Variants in VPS13B observed in about 807,000 individuals in gnomAD.
The protein encoded by VPS13B is intermembrane lipid transfer protein VPS13B.
A neutral mutation model predicts 426.4 loss-of-function variants in VPS13B; 285 were observed. The ratio of observed to expected loss-of-function variants is 0.67; its 90% confidence interval spans 0.61 to 0.74. VPS13B has a LOEUF of 0.74. Ranked by LOEUF, VPS13B falls within the 30% of genes least tolerant of loss-of-function variation. The pLI, the probability that VPS13B is intolerant of heterozygous loss-of-function variation, is 0.00. For synonymous variants in VPS13B, 1,676 were observed against 1,676.4 expected (o/e 1.00, Z 0.01); for missense variants, 4,537 against 4,782.6 (o/e 0.95, Z 1.51).
intron 31 of VPS13B, among the ~76,000 whole-genome samples, chr8:99,559,020 C>T (rs2133770703): frequency 6.6e-6 from 1 of 152,172 alleles, no homozygotes; most frequent in South Asian, 2.1e-4. Context: ...ATTTACAGTC[C>T]CACCAACAGT....
chr8:99,169,695 T>C (rs990967681), intron 15 of VPS13B, among the ~76,000 whole-genome samples: 4 of 152,112 alleles, frequency 2.6e-5, no homozygotes, highest in African/African-American at 9.6e-5. Context: ...GTGTAGAAAA[T>C]GCAGTCAGCG....
chr8:99,189,198 C>G (rs1384019135), intron 16 of VPS13B, among the ~76,000 whole-genome samples: 1 of 152,212 alleles, frequency 6.6e-6, no homozygotes, highest in East Asian at 1.9e-4. Context: ...ATCCACCTGC[C>G]TCGGCCTCCC....
At chr8:99,191,760 G>A (rs1484180023) in intron 16 of VPS13B, among the ~76,000 whole-genome samples, 2 of 152,130 alleles carry the variant, frequency 1.3e-5, no homozygotes, top group Non-Finnish European at 2.9e-5. Context: ...GGAGAAGAGA[G>A]GGAAGCATTT....
chr8:99,312,120 C>G (rs921539562), intron 19 of VPS13B, among the ~76,000 whole-genome samples: 1 of 151,744 alleles, frequency 6.6e-6, no homozygotes, highest in Non-Finnish European at 1.5e-5. Flanking sequence ...ACTTGACTGT[C>G]CAATTTGCCA....
Position 99,875,492 on chromosome 8 carries a change from T to C in VPS13B, c.11820T>C (p.Cys3940=), listed in dbSNP as rs777244489. 2 of 1,614,222 alleles carry C rather than the reference T, an allele frequency of 1.2e-6. No individual in the cohort carries two copies. Among genetic ancestry groups the C allele is most frequent in the Non-Finnish European group, 1.7e-6 (2 of 1,180,036 alleles). ...RLVDYITKTS[C]HLAPSCSSMQ... ...TGGACTACATCACAAAGACATCTTGTCACCTGGCCCCCAGCTGTTCTTCCA... is the reference window on the plus strand; with the variant it reads ...TGGACTACATCACAAAGACATCTTGCCACCTGGCCCCCAGCTGTTCTTCCA... The change falls in exon 62 of 62, where the codon TGT becomes TGC. Residue 3940 remains cysteine (C), a synonymous_variant. Transcript: ENST00000357162.
intron 19 of VPS13B, among the ~76,000 whole-genome samples, chr8:99,371,235 A>G (rs1813163237): frequency 6.6e-6 from 1 of 152,226 alleles, no homozygotes; most frequent in Non-Finnish European, 1.5e-5. Context: ...AGATGGTTCT[A>G]TGGGAAATTT....
chr8:99,134,554 A>G, intron 8 of VPS13B, 78 bp from the exon 9 acceptor site: 1 of 1,210,590 alleles, frequency 8.3e-7, no homozygotes, highest in Non-Finnish European at 1.2e-6. Context: ...CCTTGTTTTA[A>G]TCAATTAATC....
chr8:99,150,027 A>T (rs1013224884), intron 14 of VPS13B, among the ~76,000 whole-genome samples: 4 of 152,188 alleles, frequency 2.6e-5, no homozygotes, highest in Admixed American at 2.6e-4. Context: ...CATAGAAATA[A>T]AAAGTGTCCT....
intron 23 of VPS13B, among the ~76,000 whole-genome samples, chr8:99,460,263 C>T (rs3103702): frequency 0.26 from 39,732 of 151,812 alleles, 5,937 homozygotes; most frequent in East Asian, 0.44. Flanking sequence ...TGTATATTTT[C>T]AATGGTGGCT....
intron 30 of VPS13B, among the ~76,000 whole-genome samples, chr8:99,544,944 C>T (rs529574411): frequency 7.9e-5 from 12 of 152,284 alleles, no homozygotes; most frequent in Non-Finnish European, 1.5e-4. Flanking sequence ...GTGGAGAAAA[C>T]GAAGCTCAGG....
intron 24 of VPS13B, among the ~76,000 whole-genome samples, chr8:99,474,090 A>G (rs1819556204): frequency 6.6e-6 from 1 of 152,178 alleles, no homozygotes. Flanking sequence ...AGTTTAAAAA[A>G]ATACTTTTTG....
intron 3 of VPS13B, among the ~76,000 whole-genome samples, chr8:99,075,251 C>G (rs766691965): frequency 6.6e-6 from 1 of 152,136 alleles, no homozygotes; most frequent in Non-Finnish European, 1.5e-5. Context: ...GCTCACAGTT[C>G]TGCAGGCTGT....
intron 17 of VPS13B, among the ~76,000 whole-genome samples, chr8:99,247,991 T>C (rs1817312288): frequency 6.6e-6 from 1 of 152,174 alleles, no homozygotes; most frequent in African/African-American, 2.4e-5. Flanking sequence ...CTAAGTGCAA[T>C]GAATATAAAA....
At chr8:99,846,905 C>T (rs1021283191) in intron 54 of VPS13B, among the ~76,000 whole-genome samples, 3 of 152,096 alleles carry the variant, frequency 2.0e-5, no homozygotes, top group Non-Finnish European at 2.9e-5. Context: ...AAGTTATGGA[C>T]GGTGACTTAG....
chr8:99,683,457 C>T (rs1439416726), intron 35 of VPS13B, among the ~76,000 whole-genome samples: 3 of 152,110 alleles, frequency 2.0e-5, no homozygotes, highest in Non-Finnish European at 2.9e-5. Context: ...ACTATGTTGT[C>T]TGCCTTCGAA....
intron 3 of VPS13B, among the ~76,000 whole-genome samples, chr8:99,053,885 G>A (rs1233664808): frequency 1.3e-5 from 2 of 151,918 alleles, no homozygotes; most frequent in South Asian, 2.1e-4. Flanking sequence ...ATATTTTTTA[G>A]TAGAGACTGG....
chr8:99,179,467 A>G (rs1366977797), intron 16 of VPS13B, among the ~76,000 whole-genome samples: 2 of 152,116 alleles, frequency 1.3e-5, no homozygotes, highest in Non-Finnish European at 2.9e-5. Flanking sequence ...TCTTGCTTTT[A>G]AAAATTTTCT....
chr8:99,187,655 TG>T (rs1813292864), intron 16 of VPS13B, among the ~76,000 whole-genome samples: 1 of 152,124 alleles, frequency 6.6e-6, no homozygotes, highest in South Asian at 2.1e-4. Flanking sequence ...TGTATTTGAT[TG>T]ATCTTACATA....
At chr8:99,531,125 ATAT>A (rs1822912530) in intron 30 of VPS13B, among the ~76,000 whole-genome samples, 1 of 152,202 alleles carries the variant, frequency 6.6e-6, no homozygotes, top group Admixed American at 6.5e-5. Context: ...GATGGACTTA[ATAT>A]TATAACCTTC....
Sources: allele counts gnomAD v4.1 joint callset (sites outside exome capture counted in the v4.1 genomes callset), GRCh38; gene constraint gnomAD v4.1.1; transcripts MANE v1.5; gene names NCBI Gene and HGNC (gene_info 2026-07-23, HGNC 2026-07-21).